ATIC: variants seen among roughly 807,000 people sequenced by gnomAD.
The protein encoded by ATIC is bifunctional purine biosynthesis protein ATIC.
Under a neutral mutation model 72.5 loss-of-function variants are expected in ATIC, and 64 were observed. The ratio of observed to expected loss-of-function variants is 0.88; its 90% CI spans 0.72 to 1.09. The LOEUF (loss-of-function observed/expected upper bound fraction) is 1.09, where lower values mean the gene tolerates loss of function less well. Ranked by LOEUF, ATIC falls within the 50% of genes least tolerant of loss-of-function variation. The pLI, the probability that ATIC is intolerant of heterozygous loss-of-function variation, is 0.00. For missense variants in ATIC, 787 were observed against 732.4 expected, an observed-to-expected ratio of 1.07 and a Z score of -0.86; for synonymous variants, 281 against 267.1, an observed-to-expected ratio of 1.05 and a Z score of -0.51.
At chr2:215,326,209 C>A in intron 6 of ATIC, 71 bp downstream of exon 6, 1 of 1,580,274 alleles carries the variant, frequency 6.3e-7, no homozygotes, top group Non-Finnish European at 8.7e-7. Flanking sequence ...AAGCAGTATT[C>A]AGTTCTTGGT....
At chr2:215,357,558 A>C in the ATIC span, among the ~76,000 whole-genome samples, 1 of 152,258 alleles carries the variant, frequency 6.6e-6, no homozygotes, top group Non-Finnish European at 1.5e-5. Flanking sequence ...AATGTTAAAA[A>C]AGGAATTTCC....
intron 2 of ATIC, among the ~76,000 whole-genome samples, chr2:215,317,620 G>T (rs1327899923): frequency 6.6e-6 from 1 of 151,972 alleles, no homozygotes. Flanking sequence ...CCAGTAGCTG[G>T]GATTACAGGT....
chr2:215,358,058 A>G, the ATIC span, among the ~76,000 whole-genome samples: 3 of 152,174 alleles, frequency 2.0e-5, no homozygotes, highest in Admixed American at 1.3e-4. Context: ...AATATAATTA[A>G]ATAGAAAAGT....
At chr2:215,345,916 G>A (rs1475676603) in intron 13 of ATIC, among the ~76,000 whole-genome samples, 1 of 152,126 alleles carries the variant, frequency 6.6e-6, no homozygotes, top group Non-Finnish European at 1.5e-5. Flanking sequence ...TTCATTATAG[G>A]AACTAAAACC....
chr2:215,335,911 T>G lies in ATIC; in HGVS notation c.1009-124T>G. ...CTTTTCAAGTATAGCGTTAGCATTG[T>G]TTGTTGGAGGCAGAAACCAGAATAT... On this transcript the variant is annotated intron_variant, in intron 10 of 15. Transcript: ENST00000236959. 5.4e-6 allele frequency: 4 copies of G among 737,946 alleles called. No individual in the cohort carries two copies. The South Asian group carries it at 6.8e-5, about 13-fold the overall frequency. The allele number at this position is 737,946 out of a possible 1,614,324, so 45.7% of individuals were successfully genotyped here.
chr2:215,366,782 A>G, the ATIC span, among the ~76,000 whole-genome samples: 5 of 152,350 alleles, frequency 3.3e-5, no homozygotes, highest in South Asian at 1.0e-3. Flanking sequence ...CCCCGCTCCC[A>G]CAATTGCACC....
chr2:215,346,339 T>A (rs2053070428), intron 13 of ATIC, among the ~76,000 whole-genome samples: 1 of 152,134 alleles, frequency 6.6e-6, no homozygotes, highest in South Asian at 2.1e-4. Flanking sequence ...TTTTTAATTC[T>A]TATTTTTTGT....
Position 215,336,137 on chromosome 2 carries a change from C to A in ATIC, c.1098+13C>A. ...TTGTGTCCTTCAGGTGAGTGCAATT[C>A]ATGTTTGAAGCGGTAATTTGCTCTT... On this transcript the variant is annotated intron_variant, in intron 11 of 15. Transcript: ENST00000236959. 4.4e-6 allele frequency: 7 copies of A among 1,585,954 alleles called. No individual in the cohort carries two copies. Among genetic ancestry groups the A allele is most frequent in the Non-Finnish European group, 6.1e-6 (7 of 1,154,764 alleles).
At chr2:215,347,983 C>T (rs2106045828) in intron 14 of ATIC, among the ~76,000 whole-genome samples, 1 of 152,276 alleles carries the variant, frequency 6.6e-6, no homozygotes, top group Admixed American at 6.5e-5. Flanking sequence ...GGCCTACCCT[C>T]TGCTTCCCAG....
At chr2:215,344,009 T>G (rs538735517) in intron 12 of ATIC, among the ~76,000 whole-genome samples, 113 of 152,352 alleles carry the variant, frequency 7.4e-4, no homozygotes, top group African/African-American at 2.5e-3. Context: ...GAGAAAATGA[T>G]CGTAATTTGA....
chr2:215,312,722 C>T, intron 2 of ATIC, 98 bp downstream of exon 2: 3 of 1,558,786 alleles, frequency 1.9e-6, no homozygotes, highest in Non-Finnish European at 2.6e-6. Flanking sequence ...ATTTACTCCT[C>T]CCAGTAGCGC....
the ATIC span, chr2:215,361,522 G>A: frequency 7.0e-7 from 1 of 1,427,008 alleles, no homozygotes; most frequent in Non-Finnish European, 9.9e-7. Flanking sequence ...TTGGCAGAGA[G>A]ACATGCTTGT....
At chr2:215,365,025 A>T in the ATIC span, 1 of 1,302,916 alleles carries the variant, frequency 7.7e-7, no homozygotes, top group Non-Finnish European at 1.1e-6. Context: ...ATAAGCTGAG[A>T]ACAATACTGC....
intron 14 of ATIC, chr2:215,347,523 G>A (rs1164666737): frequency 3.4e-5 from 16 of 476,340 alleles, no homozygotes; most frequent in South Asian, 1.4e-4. Context: ...GACATATTGC[G>A]TGCCTAACAA....
At chr2:215,329,802 G>A (rs896756929) in intron 7 of ATIC, among the ~76,000 whole-genome samples, 3 of 151,734 alleles carry the variant, frequency 2.0e-5, no homozygotes, top group Non-Finnish European at 4.4e-5. Flanking sequence ...TTGCTCTGTC[G>A]CCCAGGCTGG....
chr2:215,328,017 G>T (rs1395281107), intron 7 of ATIC, among the ~76,000 whole-genome samples: 3 of 151,916 alleles, frequency 2.0e-5, no homozygotes, highest in African/African-American at 4.8e-5. Context: ...GGGATTACAG[G>T]TGCGCACCAC....
rs568806830 is a variant in ATIC at position 215,320,899 on chromosome 2, A to G, written c.290+1168A>G. Reference sequence around the variant, plus strand: ...CCGGCCTGCCCGGCTCTGTTAAACAACCAGCTCTACATGAACTCAGAGTGA... The same window carrying G: ...CCGGCCTGCCCGGCTCTGTTAAACAGCCAGCTCTACATGAACTCAGAGTGA... On this transcript the variant is annotated intron_variant, in intron 4 of 15. Coordinates refer to ENST00000236959, the MANE Select transcript of ATIC (RefSeq NM_004044.7). 7.2e-5 allele frequency among the ~76,000 whole-genome samples: 11 copies of G among 152,212 alleles called. 1 individual carries two copies. In the South Asian group the frequency reaches 2.1e-3, roughly 29 times the overall value.
At chr2:215,338,699 A>G (rs1334593341) in intron 11 of ATIC, 80 bp from the exon 12 acceptor site, 1 of 1,447,868 alleles carries the variant, frequency 6.9e-7, no homozygotes, top group African/African-American at 1.4e-5. Flanking sequence ...ACTTACAATG[A>G]AATCTTTTGT....
At chr2:215,332,648 T>C in intron 8 of ATIC, 141 bp downstream of exon 8, 1 of 1,102,050 alleles carries the variant, frequency 9.1e-7, no homozygotes, top group East Asian at 2.6e-5. Context: ...AGTATCAATG[T>C]AATAATATAA....
Sources: allele counts gnomAD v4.1 joint callset (sites outside exome capture counted in the v4.1 genomes callset), GRCh38; gene constraint gnomAD v4.1.1; transcripts MANE v1.5; gene names NCBI Gene and HGNC (gene_info 2026-07-23, HGNC 2026-07-21).